HCN1: variants seen among roughly 807,000 people sequenced by gnomAD.
The protein encoded by HCN1 is hyperpolarization activated cyclic nucleotide gated potassium channel 1.
In HCN1, 13 loss-of-function variants were observed where a neutral mutation model predicts 78.9. That is an observed-to-expected ratio of 0.16 (90% CI 0.11 to 0.26). The LOEUF (loss-of-function observed/expected upper bound fraction) is 0.26, where lower values mean the gene tolerates loss of function less well. HCN1 is among the 10% of genes least tolerant of loss of function. HCN1 has a pLI of 1.00. For missense variants in HCN1, 810 were observed against 1,154.3 expected, an observed-to-expected ratio of 0.70 and a Z score of 4.32; for synonymous variants, 552 against 455.5, an observed-to-expected ratio of 1.21 and a Z score of -2.70.
chr5:45,616,552 C>T (rs377423718), intron 2 of HCN1, among the ~76,000 whole-genome samples: 22 of 151,894 alleles, frequency 1.4e-4, no homozygotes, highest in African/African-American at 3.9e-4. Flanking sequence ...ATTTTCTCAG[C>T]GTTTAAAGAA....
intron 5 of HCN1, among the ~76,000 whole-genome samples, chr5:45,332,186 A>T (rs928010387): frequency 2.0e-5 from 3 of 151,342 alleles, no homozygotes; most frequent in East Asian, 1.9e-4. Flanking sequence ...TTTTCTTAAA[A>T]TTTTTTTGTG....
At chr5:45,453,618 G>A (rs562392565) in intron 3 of HCN1, among the ~76,000 whole-genome samples, 52 of 152,218 alleles carry the variant, frequency 3.4e-4, no homozygotes, top group African/African-American at 1.2e-3. Flanking sequence ...GAATGGTATG[G>A]TGGGTTCATC....
intron 2 of HCN1, among the ~76,000 whole-genome samples, chr5:45,463,162 C>T (rs1424056350): frequency 6.6e-6 from 1 of 151,288 alleles, no homozygotes; most frequent in Non-Finnish European, 1.5e-5. Context: ...GTAAAGAAAA[C>T]CAAAAAAAAT....
chr5:45,540,988 A>G (rs1743092212), intron 2 of HCN1, among the ~76,000 whole-genome samples: 1 of 152,174 alleles, frequency 6.6e-6, no homozygotes, highest in Non-Finnish European at 1.5e-5. Context: ...CTGAAATCCA[A>G]AGGGACCGAC....
chr5:45,682,282 TATATATACAC>T (rs1384461500), intron 1 of HCN1, among the ~76,000 whole-genome samples: 3 of 113,396 alleles, frequency 2.6e-5, no homozygotes, highest in African/African-American at 1.1e-4. Context: ...CATATATATA[TATATATACAC>T]ATATATATAT....
chr5:45,492,523 T>C (rs932908227), intron 2 of HCN1, among the ~76,000 whole-genome samples: 7 of 142,896 alleles, frequency 4.9e-5, no homozygotes, highest in Admixed American at 2.8e-4. Flanking sequence ...TTTTTTGTTT[T>C]TTTTTTTTTT....
intron 4 of HCN1, among the ~76,000 whole-genome samples, chr5:45,367,776 G>A (rs547951402): frequency 6.6e-6 from 1 of 151,804 alleles, no homozygotes; most frequent in African/African-American, 2.4e-5. Flanking sequence ...ATTAAAATTA[G>A]AACCATTCAT....
chr5:45,629,496 TA>T (rs2112008727), intron 2 of HCN1, among the ~76,000 whole-genome samples: 1 of 152,276 alleles, frequency 6.6e-6, no homozygotes, highest in East Asian at 1.9e-4. Context: ...CAAAGATAAT[TA>T]AATATATGAT....
chr5:45,493,998 C>G (rs1741961554), intron 2 of HCN1, among the ~76,000 whole-genome samples: 1 of 152,150 alleles, frequency 6.6e-6, no homozygotes, highest in Non-Finnish European at 1.5e-5. Flanking sequence ...TCCAGTCTAT[C>G]ATTGTTGGAC....
intron 5 of HCN1, among the ~76,000 whole-genome samples, chr5:45,330,772 T>A (rs1746328357): frequency 6.6e-6 from 1 of 151,064 alleles, no homozygotes; most frequent in South Asian, 2.1e-4. Context: ...ATGTTTCTTG[T>A]CCTACTAATG....
chr5:45,306,867 G>A (rs550889800), intron 5 of HCN1, among the ~76,000 whole-genome samples: 68 of 152,132 alleles, frequency 4.5e-4, no homozygotes, highest in African/African-American at 1.6e-3. Flanking sequence ...TGCTAAGGAA[G>A]GCAAACACAT....
chr5:45,630,066 T>C (rs1199278261), intron 2 of HCN1, among the ~76,000 whole-genome samples: 3 of 152,110 alleles, frequency 2.0e-5, no homozygotes, highest in African/African-American at 4.8e-5. Flanking sequence ...TAAAAGAGTG[T>C]CTATCAGCTT....
intron 5 of HCN1, among the ~76,000 whole-genome samples, chr5:45,310,979 T>A (rs926579628): frequency 2.0e-5 from 3 of 151,910 alleles, no homozygotes; most frequent in Admixed American, 1.3e-4. Flanking sequence ...CACATGGACA[T>A]ACAGAGAGGA....
intron 2 of HCN1, among the ~76,000 whole-genome samples, chr5:45,615,520 T>TACAGAATAAA (rs1436095778): frequency 1.1e-4 from 17 of 152,002 alleles, no homozygotes; most frequent in African/African-American, 3.6e-4. Context: ...ATTGCAAGAC[T>TACAGAATAAA]ACAGAATAAA....
At chr5:45,656,831 T>TTATGTTAACAACAAATATGTTAACAAAA in intron 1 of HCN1, among the ~76,000 whole-genome samples, 1 of 152,176 alleles carries the variant, frequency 6.6e-6, no homozygotes, top group African/African-American at 2.4e-5. Context: ...CTCTACTTAT[T>TTATGTTAACAACAAATATGTTAACAAAA]TATGTTAACA....
At chr5:45,374,020 T>TATATATATTATGTATATA (rs1561130030) in intron 4 of HCN1, among the ~76,000 whole-genome samples, 4 of 81,188 alleles carry the variant, frequency 4.9e-5, no homozygotes, top group African/African-American at 2.6e-4. Context: ...TAATATATAT[T>TATATATATTATGTATATA]ATATATATTA....
intron 4 of HCN1, among the ~76,000 whole-genome samples, chr5:45,372,979 T>G (rs1747454054): frequency 7.2e-6 from 1 of 138,450 alleles, no homozygotes; most frequent in South Asian, 2.2e-4. Context: ...ATAAAATAAA[T>G]AAAAAATAAT....
At chr5:45,361,759 A>G (rs541787859) in intron 4 of HCN1, among the ~76,000 whole-genome samples, 1 of 152,310 alleles carries the variant, frequency 6.6e-6, no homozygotes, top group South Asian at 2.1e-4. Flanking sequence ...TTTACACTAC[A>G]TAGGTTTTCA....
At chr5:45,495,973 C>G (rs1199077968) in intron 2 of HCN1, among the ~76,000 whole-genome samples, 1 of 152,108 alleles carries the variant, frequency 6.6e-6, no homozygotes, top group African/African-American at 2.4e-5. Context: ...GGTGGATAAG[C>G]TTTTTGATGT....
Sources: gnomAD v4.1 joint callset for allele counts (sites outside exome capture counted in the v4.1 genomes callset) on GRCh38, gnomAD v4.1.1 for gene constraint, MANE v1.5 for transcripts, NCBI Gene and HGNC (gene_info 2026-07-23, HGNC 2026-07-21) for gene names.